The following NRIP1 variants were observed in gnomAD, a reference collection of about 807,000 sequenced individuals.
The protein encoded by NRIP1 is nuclear receptor-interacting protein 1.
A neutral mutation model predicts 75.0 loss-of-function variants in NRIP1; 28 were observed. The observed-to-expected ratio is 0.37, with a 90% CI of 0.28 to 0.51. The LOEUF is 0.51. NRIP1 is among the 20% of genes least tolerant of loss of function. NRIP1 has a pLI of 0.92. For synonymous variants in NRIP1, 526 were observed against 487.6 expected (o/e 1.08, Z -1.04); for missense variants, 1,435 against 1,343.7 (o/e 1.07, Z -1.06).
chr21:14,976,213 A>G (rs921913991), intron 3 of NRIP1, among the ~76,000 whole-genome samples: 8 of 152,166 alleles, frequency 5.3e-5, no homozygotes, highest in Non-Finnish European at 1.0e-4. Flanking sequence ...AAGTTTATAA[A>G]GTTAAGATTT....
intron 3 of NRIP1, among the ~76,000 whole-genome samples, chr21:14,971,807 T>C (rs904168631): frequency 6.6e-6 from 1 of 152,232 alleles, no homozygotes; most frequent in African/African-American, 2.4e-5. Context: ...TCACTATGTG[T>C]ATGCACTAAG....
At chr21:14,989,934 TG>T (rs1304283342) in intron 3 of NRIP1, among the ~76,000 whole-genome samples, 2 of 151,938 alleles carry the variant, frequency 1.3e-5, no homozygotes, top group Non-Finnish European at 2.9e-5. Flanking sequence ...ACTAAAATAC[TG>T]GTCTTATTAA....
Position 14,983,206 on chromosome 21 carries a change from C to T in NRIP1, c.-334-14680G>A, listed in dbSNP as rs533301366. ...CCTCTTGCACCAGTTAACCAAATTG[C>T]AAATACAAAAAAAAAAAACAATTAT... On this transcript the variant is annotated intron_variant, in intron 3 of 3. Transcript: ENST00000318948. Among the ~76,000 whole-genome samples, 11 of 144,280 alleles carry T rather than the reference C, an allele frequency of 7.6e-5. No homozygotes were observed. In the East Asian group the frequency reaches 1.1e-3, roughly 15 times the overall value. 94.7% of individuals were successfully genotyped at this position (144,280 alleles called of 152,430 possible).
intron 3 of NRIP1, among the ~76,000 whole-genome samples, chr21:15,012,161 C>G (rs2088118386): frequency 6.6e-6 from 1 of 152,116 alleles, no homozygotes; most frequent in Non-Finnish European, 1.5e-5. Flanking sequence ...CTGAGATATA[C>G]CAGATCCTCC....
intron 2 of NRIP1, among the ~76,000 whole-genome samples, chr21:15,018,829 G>A (rs1454434812): frequency 6.6e-6 from 1 of 152,120 alleles, no homozygotes; most frequent in African/African-American, 2.4e-5. Context: ...ACATTACAAT[G>A]AGAAAAAATA....
rs138379540 is a variant in NRIP1 at position 15,049,511 on chromosome 21, T to C, written c.-537-5937A>G. ...CAATTGTAACACAAACAAGGTATTA[T>C]TGGCACTTGAAGTTACTGGAGAAAA... On this transcript the variant is annotated intron_variant, in intron 1 of 3. Coordinates refer to ENST00000318948, the MANE Select transcript of NRIP1 (RefSeq NM_003489.4). Among the ~76,000 whole-genome samples, 776 of 152,232 alleles carry C rather than the reference T, an allele frequency of 5.1e-3. 3 individuals carry two copies. Among genetic ancestry groups the C allele is most frequent in the Non-Finnish European group, 6.7e-3 (456 of 67,960 alleles).
chr21:15,034,345 CA>C (rs2088782432), intron 2 of NRIP1, among the ~76,000 whole-genome samples: 1 of 152,154 alleles, frequency 6.6e-6, no homozygotes, highest in African/African-American at 2.4e-5. Flanking sequence ...TGTGGTGAGT[CA>C]CTTCCAAACT....
intron 1 of NRIP1, chr21:15,050,971 C>T (rs941934403): frequency 4.5e-6 from 2 of 449,064 alleles, no homozygotes; most frequent in Admixed American, 2.4e-5. Context: ...ACACCTATAG[C>T]TTATTAGTAG....
At position 14,965,678 on chromosome 21, in the gene NRIP1, G is replaced by A; in HGVS notation, c.2515C>T (p.His839Tyr). Reference protein sequence around the residue: ...SYLADDSDRSHRNNEMALLES... With the variant: ...SYLADDSDRSYRNNEMALLES... ...AGAAGTGCCATTTCATTATTTCTGT[G>A]ACTCCTGTCTGAATCATCTGCCAGG... Residue 839 changes from histidine (H) to tyrosine (Y), a missense_variant, in exon 4 of 4, where the codon CAC (histidine) becomes TAC (tyrosine). His to Tyr is a moderately conservative substitution (Grantham distance 83). Coordinates refer to ENST00000318948, the MANE Select transcript of NRIP1 (RefSeq NM_003489.4). 2 of 1,613,434 alleles carry A rather than the reference G, an allele frequency of 1.2e-6. No individual in the cohort carries two copies. The highest frequency in any genetic ancestry group is 2.7e-5 in the African/African-American group (2 of 74,990).
chr21:14,998,755 A>G (rs1479295777), intron 3 of NRIP1, among the ~76,000 whole-genome samples: 1 of 152,192 alleles, frequency 6.6e-6, no homozygotes. Flanking sequence ...TTTTCTTCAG[A>G]CATCTTTCCT....
At position 14,967,716 on chromosome 21, in the gene NRIP1, C is replaced by T. The variant is rs760404758; in HGVS notation, c.477G>A (p.Glu159=). Residue 159 remains glutamate (E), a synonymous_variant, in exon 4 of 4, where the codon GAG becomes GAA. Transcript: ENST00000318948. ...LSQQIRQSLK[E]QGYALSHDSL... is the part of the protein sequence containing the mutation. ...AATCATGACTGAGGGCATATCCTTG[C>T]TCCTTGAGGCTCTGCCTGATTTGTT... 96 of 1,614,044 alleles carry T rather than the reference C, an allele frequency of 5.9e-5. No individual in the cohort carries two copies. In the Middle Eastern group the frequency reaches 8.2e-4, roughly 14 times the overall value.
chr21:15,025,719 A>C (rs1022457243), intron 2 of NRIP1, among the ~76,000 whole-genome samples: 1 of 152,200 alleles, frequency 6.6e-6, no homozygotes, highest in East Asian at 1.9e-4. Flanking sequence ...GAGAAGACAC[A>C]GTATCACTTC....
chr21:15,060,559 T>C (rs1328649479), intron 1 of NRIP1, among the ~76,000 whole-genome samples: 1 of 152,174 alleles, frequency 6.6e-6, no homozygotes, highest in Non-Finnish European at 1.5e-5. Flanking sequence ...AAATTCCAGA[T>C]CTTAAAAGAT....
chr21:15,056,039 AAGC>A (rs1324596366), intron 1 of NRIP1, among the ~76,000 whole-genome samples: 1 of 152,172 alleles, frequency 6.6e-6, no homozygotes, highest in Non-Finnish European at 1.5e-5. Flanking sequence ...AATGGCACAT[AAGC>A]ACTAAATGGT....
intron 3 of NRIP1, among the ~76,000 whole-genome samples, chr21:15,011,560 A>T (rs1170399797): frequency 6.6e-6 from 1 of 152,208 alleles, no homozygotes; most frequent in Admixed American, 6.5e-5. Context: ...AACTCAAGAC[A>T]TCTATTCTAC....
Position 14,967,508 on chromosome 21 carries a change from C to G in NRIP1, c.685G>C (p.Val229Leu). 1 of 1,614,096 alleles carries G rather than the reference C, an allele frequency of 6.2e-7. No individual in the cohort carries two copies. The highest frequency in any genetic ancestry group is 8.5e-7 in the Non-Finnish European group (1 of 1,180,010). The change falls in exon 4 of 4, where the codon GTC becomes CTC. Residue 229 changes from valine (V) to leucine (L), a missense_variant. Physicochemically the swap from Val to Leu is conservative, Grantham distance 32. Transcript: ENST00000318948. ...GCACATGACAACGGTTCACTCATGA[C>G]CTTTGTTCCACTTTGTCCAACATGA... is the stretch of plus-strand genomic sequence containing the variant. The part of the protein sequence containing the change: ...PHHVGQSGTK[V>L]MSEPLSCAAR...
At chr21:14,998,719 G>T (rs2087787214) in intron 3 of NRIP1, among the ~76,000 whole-genome samples, 1 of 152,284 alleles carries the variant, frequency 6.6e-6, no homozygotes, top group Admixed American at 6.5e-5. Context: ...TTAGCAAAGA[G>T]TGAATATATT....
In NRIP1 at chr21:14,996,652, G is replaced by A. The variant is rs76291584; in HGVS notation, c.-335+17692C>T. Reference sequence around the variant, plus strand: ...GTTTATGTCCTGTTTTCCACCACTAGACTATAACTATTGCTCCATGAGAAC... The same window carrying A: ...GTTTATGTCCTGTTTTCCACCACTAAACTATAACTATTGCTCCATGAGAAC... On this transcript the variant is annotated intron_variant, in intron 3 of 3. Transcript: ENST00000318948. 0.016 allele frequency among the ~76,000 whole-genome samples: 2,370 copies of A among 152,056 alleles called. 231 individuals carry two copies. In the East Asian group the frequency reaches 0.27, roughly 18 times the overall value.
Position 14,967,251 on chromosome 21 carries a change from A to G in NRIP1, c.942T>C (p.Ser314=). 6.2e-7 allele frequency: 1 copy of G among 1,613,988 alleles called. No homozygotes were observed. The highest frequency in any genetic ancestry group is 1.1e-5 in the South Asian group (1 of 91,060). ...LQENGQKDVG[S]YQLPKGMSSH... ...TTGACATTCCTTTTGGGAGCTGGTA[A>G]CTGCCAACATCCTTCTGGCCATTTT... The change falls in exon 4 of 4, where the codon AGT becomes AGC. Residue 314 remains serine (S), a synonymous_variant. Transcript: ENST00000318948.
Sources: gnomAD v4.1 joint callset for allele counts (sites outside exome capture counted in the v4.1 genomes callset) on GRCh38, gnomAD v4.1.1 for gene constraint, MANE v1.5 for transcripts, NCBI Gene and HGNC (gene_info 2026-07-23, HGNC 2026-07-21) for gene names.